DIXDC1: variants seen among roughly 807,000 people sequenced by gnomAD.
The protein encoded by DIXDC1 is dixin.
Under a neutral mutation model 103.1 loss-of-function variants are expected in DIXDC1, and 64 were observed. That is an observed-to-expected ratio of 0.62 (90% confidence interval 0.51 to 0.76). DIXDC1 has a LOEUF of 0.76. DIXDC1 is among the 30% of genes least tolerant of loss of function. The pLI, the probability that DIXDC1 is intolerant of heterozygous loss-of-function variation, is 0.00. For missense variants in DIXDC1, 759 were observed against 834.2 expected, an observed-to-expected ratio of 0.91 and a Z score of 1.11; for synonymous variants, 266 against 298.5, an observed-to-expected ratio of 0.89 and a Z score of 1.12.
chr11:111,991,032 G>T (rs1353793337), intron 10 of DIXDC1, among the ~76,000 whole-genome samples: 1 of 152,140 alleles, frequency 6.6e-6, no homozygotes, highest in Non-Finnish European at 1.5e-5. Context: ...ACCCAAATGG[G>T]AGTATATCTG....
Position 111,968,557 on chromosome 11 carries a change from C to G in DIXDC1, c.235C>G (p.Gln79Glu). The stretch of plus-strand genomic sequence containing the variant: ...GGTACAGCTGAGTCCCGGTAACCAA[C>G]AGGAGATGAAGAATAATGTGGAGAA... ...SGVQLSPGNQ[Q>E]EMKNNVEKVL... The change falls in exon 3 of 20, where the codon CAG becomes GAG. Residue 79 changes from glutamine to glutamate, a missense_variant. By Grantham distance (29) the Gln-to-Glu change is conservative. Transcript: ENST00000440460. 1.2e-6 allele frequency: 2 copies of G among 1,613,184 alleles called. No homozygotes were observed. The highest frequency in any genetic ancestry group is 1.7e-6 in the Non-Finnish European group (2 of 1,179,558).
At chr11:111,997,917 C>T (rs1219205751) in intron 17 of DIXDC1, among the ~76,000 whole-genome samples, 2 of 152,216 alleles carry the variant, frequency 1.3e-5, no homozygotes, top group Non-Finnish European at 2.9e-5. Context: ...TCTCTAGCTA[C>T]TGACTTATTT....
rs782569575 is a variant in DIXDC1, at chr11:111,992,470, A to G, written c.1169A>G (p.Gln390Arg). Residue 390 changes from glutamine (Q) to arginine (R), a missense_variant, in exon 11 of 20, where the codon CAA becomes CGA. Gln to Arg is a conservative substitution (Grantham distance 43). Coordinates refer to ENST00000440460, the MANE Select transcript of DIXDC1 (RefSeq NM_001037954.4). Reference protein sequence around the residue: ...QQDTSVLQLKQELLRANMDKD... With the variant: ...QQDTSVLQLKRELLRANMDKD... ...GACACATCTGTTCTTCAGCTCAAAC[A>G]AGAGCTACTGAGGGCAAATATGGAC... 2.5e-6 allele frequency: 4 copies of G among 1,582,640 alleles called. No homozygotes were observed. The highest frequency in any genetic ancestry group is 3.4e-6 in the Non-Finnish European group (4 of 1,163,724).
rs1221869707 is a variant in DIXDC1, at chr11:112,004,052, A to ATG, written c.1756+7908_1756+7909dup. Among the ~76,000 whole-genome samples, 3 of 144,720 alleles carry ATG rather than the reference A, an allele frequency of 2.1e-5. No homozygotes were observed. In the East Asian group the frequency reaches 6.0e-4, roughly 29 times the overall value. The allele number at this position is 144,720 out of a possible 152,430, so 94.9% of individuals were successfully genotyped here. A position where few individuals can be genotyped will look rare whatever the true frequency, so the allele number is the denominator to read the frequency against. ...TATATATATATATATATATATATGTATGTATATATATGTGTATATATATGT... is the reference window on the plus strand; with the variant it reads ...TATATATATATATATATATATATGTATGTGTATATATATGTGTATATATATGT... On this transcript the variant is annotated intron_variant, in intron 17 of 19. Transcript: ENST00000440460.
At chr11:111,946,319 A>G (rs1293350878) in intron 1 of DIXDC1, among the ~76,000 whole-genome samples, 5 of 152,138 alleles carry the variant, frequency 3.3e-5, no homozygotes, top group African/African-American at 1.2e-4. Context: ...CGTGTTAGCC[A>G]GGATGGTCTC....
At chr11:112,005,444 C>T (rs587705376) in intron 17 of DIXDC1, among the ~76,000 whole-genome samples, 1 of 152,036 alleles carries the variant, frequency 6.6e-6, no homozygotes, top group South Asian at 2.1e-4. Flanking sequence ...GCCTGTAATC[C>T]CAGCATTTTG....
In DIXDC1 at chr11:112,017,703, T is replaced by C. The variant is rs1861635895; in HGVS notation, c.1863-74T>C. On this transcript the variant is annotated intron_variant, in intron 18 of 19. Transcript: ENST00000440460. This position sits in a 1 kb window ranked among gnomAD's most constrained non-coding sequence, Gnocchi z 4.0. ...GCTTATTGACTTTGGCAGGGGGCTG[T>C]GTTTAAAGTTAACATCTTATCTTTC... The C allele has an allele frequency of 7.9e-7, 1 of 1,263,618 alleles. No individual in the cohort carries two copies. The allele number at this position is 1,263,618 out of a possible 1,614,324, so 78.3% of individuals were successfully genotyped here.
In DIXDC1 at chr11:111,986,941, A is replaced by G; in HGVS notation, c.1062+17A>G. 4 of 1,565,436 alleles carry G rather than the reference A, an allele frequency of 2.6e-6. No individual in the cohort carries two copies. Among genetic ancestry groups the G allele is most frequent in the Non-Finnish European group, 2.6e-6 (3 of 1,153,518 alleles). ...GACTTAAAGGTATGTCAAGACATGT[A>G]CATTTTACCCCTTAAAAACATTATG... On this transcript the variant is annotated intron_variant, in intron 9 of 19. Transcript: ENST00000440460.
At chr11:111,929,747 G>C in intron 1 of DIXDC1, 1 of 984,360 alleles carries the variant, frequency 1.0e-6, no homozygotes, top group Non-Finnish European at 1.5e-6. Context: ...GCCCCAACTC[G>C]GTTAGTTGAG....
rs1484611890 is a variant in DIXDC1, at chr11:111,949,785, C to T, written c.60+12226C>T. ...ATGTGTCTTCTGACCCTTCCTCCTT[C>T]CATCACCTCTGCCCTTGTCCTCTCT... is the stretch of plus-strand genomic sequence containing the variant. On this transcript the variant is annotated intron_variant, in intron 1 of 19. Coordinates refer to ENST00000440460, the MANE Select transcript of DIXDC1 (RefSeq NM_001037954.4). 3.3e-5 allele frequency among the ~76,000 whole-genome samples: 5 copies of T among 152,336 alleles called. No individual in the cohort carries two copies. In the East Asian group the frequency reaches 9.6e-4, roughly 29 times the overall value.
At chr11:111,975,369 A>C in intron 5 of DIXDC1, 1 of 1,061,422 alleles carries the variant, frequency 9.4e-7, no homozygotes, top group Non-Finnish European at 1.1e-6. Context: ...AGGCCGGAAA[A>C]GTCTGTGTAA....
Position 111,975,719 on chromosome 11 carries a change from A to G in DIXDC1, c.656+736A>G, listed in dbSNP as rs1180373243. ...TAATGACCTTTTCTTTCCTATCCCA[A>G]CCCTGTGTAATCTGCTCTATTTAGG... On this transcript the variant is annotated intron_variant, in intron 5 of 19. Coordinates refer to ENST00000440460, the MANE Select transcript of DIXDC1 (RefSeq NM_001037954.4). The G allele has an allele frequency of 4.1e-6, 4 of 984,976 alleles. No individual in the cohort carries two copies. The African/African-American group carries it at 5.3e-5, about 13-fold the overall frequency. 61.0% of individuals were successfully genotyped at this position (984,976 alleles called of 1,614,324 possible).
Position 111,977,354 on chromosome 11 carries a change from C to G in DIXDC1, c.656+2371C>G. On this transcript the variant is annotated intron_variant, in intron 5 of 19. Coordinates refer to ENST00000440460, the MANE Select transcript of DIXDC1 (RefSeq NM_001037954.4). The surrounding 1 kb of genome is among the most constrained non-coding windows in gnomAD (Gnocchi z 6.1). ...TGGGATCGCCGCTGGGGACTCGAGG[C>G]GCAGCCTGCGCCGCCGGGAGCCTCC... The G allele has an allele frequency of 9.4e-7, 1 of 1,066,368 alleles. No homozygotes were observed. The highest frequency in any genetic ancestry group is 1.7e-5 in the African/African-American group (1 of 58,180). The allele number at this position is 1,066,368 out of a possible 1,614,324, so 66.1% of individuals were successfully genotyped here.
upstream of DIXDC1, among the ~76,000 whole-genome samples, chr11:111,932,850 T>C (rs1383399151): frequency 6.6e-6 from 1 of 151,608 alleles, no homozygotes; most frequent in Non-Finnish European, 1.5e-5. Context: ...TCTTGCCCCA[T>C]GTGTTATGTG....
At chr11:111,944,974 C>G (rs1461373423) in intron 1 of DIXDC1, among the ~76,000 whole-genome samples, 2 of 152,158 alleles carry the variant, frequency 1.3e-5, no homozygotes, top group African/African-American at 4.8e-5. Context: ...CTGTCTTGGT[C>G]TTTTTTAAAA....
Position 111,958,731 on chromosome 11 carries a change from G to C in DIXDC1, c.61-5818G>C, listed in dbSNP as rs1292384576. On this transcript the variant is annotated intron_variant, in intron 1 of 19. Coordinates refer to ENST00000440460, the MANE Select transcript of DIXDC1 (RefSeq NM_001037954.4). This position sits in a 1 kb window ranked among gnomAD's most constrained non-coding sequence, Gnocchi z 4.2. ...CAGGCTGCCAGCCCCGCAGACCGGA[G>C]TGGGAATTTATGGTGTTTTTTCCAG... is the stretch of plus-strand genomic sequence containing the variant. Among the ~76,000 whole-genome samples the C allele has an allele frequency of 6.6e-6, 1 of 152,206 alleles. No individual in the cohort carries two copies. The highest frequency in any genetic ancestry group is 1.5e-5 in the Non-Finnish European group (1 of 68,036).
At chr11:112,018,819 G>T in intron 19 of DIXDC1, 137 bp from the exon 20 acceptor site, 1 of 627,666 alleles carries the variant, frequency 1.6e-6, no homozygotes, top group South Asian at 2.4e-5. Context: ...GCAGTTCTAG[G>T]GACAAGACCA....
chr11:111,975,379 A>C (rs1360758201), intron 5 of DIXDC1: 1 of 1,041,354 alleles, frequency 9.6e-7, no homozygotes, highest in Non-Finnish European at 1.2e-6. Flanking sequence ...AGTCTGTGTA[A>C]AGCTCATAGA....
chr11:112,017,735 T>G lies in DIXDC1; in HGVS notation c.1863-42T>G. ...AGTTAACATCTTATCTTTCCAGCTATTGATCAACAGTCTATTTTAGTGCTC... is the reference window on the plus strand; with the variant it reads ...AGTTAACATCTTATCTTTCCAGCTAGTGATCAACAGTCTATTTTAGTGCTC... On this transcript the variant is annotated intron_variant, in intron 18 of 19. Transcript: ENST00000440460. This position sits in a 1 kb window ranked among gnomAD's most constrained non-coding sequence, Gnocchi z 4.0. 1.3e-6 allele frequency: 2 copies of G among 1,510,330 alleles called. No individual in the cohort carries two copies. The highest frequency in any genetic ancestry group is 1.8e-6 in the Non-Finnish European group (2 of 1,101,284). The allele number at this position is 1,510,330 out of a possible 1,614,324, so 93.6% of individuals were successfully genotyped here. A position where few individuals can be genotyped will look rare whatever the true frequency, so the allele number is the denominator to read the frequency against.
Sources: gnomAD v4.1 joint callset for allele counts (sites outside exome capture counted in the v4.1 genomes callset) on GRCh38, gnomAD v4.1.1 for gene constraint, Gnocchi (gnomAD v3.1) non-coding constraint, MANE v1.5 for transcripts, NCBI Gene and HGNC (gene_info 2026-07-23, HGNC 2026-07-21) for gene names.